Variants in TYW1B observed in about 807,000 individuals in gnomAD.
TYW1B encodes the protein tRNA-yW synthesizing protein 1 homolog B.
In TYW1B, 73 loss-of-function variants were observed where a neutral mutation model predicts 86.9. The ratio of observed to expected loss-of-function variants is 0.84; its 90% CI spans 0.70 to 1.02. TYW1B has a LOEUF of 1.02. Ranked by LOEUF, TYW1B falls within the 50% of genes least tolerant of loss-of-function variation. The probability of loss-of-function intolerance (pLI) is 0.00; values close to 1 mark genes in which losing one functional copy is unlikely to be tolerated. For synonymous variants in TYW1B, 248 were observed against 292.8 expected (o/e 0.85, Z 1.56); for missense variants, 637 against 827.4 (o/e 0.77, Z 2.82).
At chr7:72,783,843 T>C (rs1225769855) in intron 6 of TYW1B, among the ~76,000 whole-genome samples, 3 of 152,200 alleles carry the variant, frequency 2.0e-5, no homozygotes, top group Non-Finnish European at 2.9e-5. Flanking sequence ...GGGCAGCGTA[T>C]TGGGGTTGAA....
chr7:72,814,532 C>T (rs1466280923), intron 3 of TYW1B, among the ~76,000 whole-genome samples: 5 of 151,544 alleles, frequency 3.3e-5, no homozygotes, highest in South Asian at 2.1e-4. Flanking sequence ...TGCAGTGAGC[C>T]GAGATCGCGC....
At chr7:72,724,443 A>G (rs1786962223) in intron 9 of TYW1B, among the ~76,000 whole-genome samples, 1 of 152,244 alleles carries the variant, frequency 6.6e-6, no homozygotes, top group African/African-American at 2.4e-5. Flanking sequence ...ACTGCACTCC[A>G]GCCTGGGCAA....
chr7:72,585,429 C>T (rs1333141501), intron 13 of TYW1B, among the ~76,000 whole-genome samples: 3 of 152,218 alleles, frequency 2.0e-5, no homozygotes, highest in Non-Finnish European at 4.4e-5. Context: ...CCACGTAACA[C>T]TATACCATTC....
At chr7:72,759,725 T>C (rs1787655902) in intron 7 of TYW1B, among the ~76,000 whole-genome samples, 1 of 152,236 alleles carries the variant, frequency 6.6e-6, no homozygotes, top group Admixed American at 6.5e-5. Flanking sequence ...CCAGCCAAGA[T>C]ATTCTTAAAA....
intron 11 of TYW1B, among the ~76,000 whole-genome samples, chr7:72,629,253 G>A (rs1428693598): frequency 4.6e-5 from 7 of 152,154 alleles, no homozygotes; most frequent in African/African-American, 1.7e-4. Context: ...ATTATGCCAG[G>A]CACCCAGAGG....
At chr7:72,651,608 C>T (rs1813059290) in intron 11 of TYW1B, among the ~76,000 whole-genome samples, 1 of 152,060 alleles carries the variant, frequency 6.6e-6, no homozygotes, top group Admixed American at 6.6e-5. Context: ...GAGTGAGACT[C>T]CAACTCAAAA....
intron 12 of TYW1B, among the ~76,000 whole-genome samples, chr7:72,618,136 TCACAGACACACA>T (rs1224812541): frequency 4.7e-5 from 7 of 149,744 alleles, no homozygotes; most frequent in African/African-American, 1.7e-4. Context: ...ACACATTCAC[TCACAGACACACA>T]CACAAACACA....
At chr7:72,652,367 G>A (rs1189724086) in intron 11 of TYW1B, among the ~76,000 whole-genome samples, 1 of 92,724 alleles carries the variant, frequency 1.1e-5, no homozygotes, top group Non-Finnish European at 1.9e-5. Context: ...GACAGAGCAA[G>A]ACTCTGTCTG....
At chr7:72,751,305 T>C (rs1454038427) in intron 7 of TYW1B, among the ~76,000 whole-genome samples, 1 of 152,178 alleles carries the variant, frequency 6.6e-6, no homozygotes, top group Non-Finnish European at 1.5e-5. Context: ...CCTAAAGTGC[T>C]AGGACTACAT....
rs140458934 is a variant in TYW1B, at chr7:72,586,199, C to T, written c.1786-10480G>A. On this transcript the variant is annotated intron_variant, in intron 13 of 13. Transcript: ENST00000620995. ...TGCTTGGAGCTTCCAGTTGTCCTAT[C>T]GCAGAGGGGTTATAGACAGAGCTAA... Among the ~76,000 whole-genome samples, 30 of 152,258 alleles carry T rather than the reference C, an allele frequency of 2.0e-4. No homozygotes were observed. In the East Asian group the frequency reaches 3.9e-3, roughly 20 times the overall value.
chr7:72,746,412 TCA>T (rs782239196), intron 7 of TYW1B, among the ~76,000 whole-genome samples: 2 of 152,182 alleles, frequency 1.3e-5, no homozygotes, highest in African/African-American at 2.4e-5. Flanking sequence ...CAAATGCTAG[TCA>T]CAGAGTAATT....
intron 11 of TYW1B, among the ~76,000 whole-genome samples, chr7:72,662,460 T>C (rs1813356045): frequency 1.3e-5 from 2 of 152,048 alleles, no homozygotes; most frequent in Non-Finnish European, 2.9e-5. Context: ...GATAGATAGA[T>C]AGATAGATAG....
chr7:72,633,303 C>T (rs1379363523), intron 11 of TYW1B, among the ~76,000 whole-genome samples: 3 of 152,152 alleles, frequency 2.0e-5, no homozygotes, highest in East Asian at 1.9e-4. Context: ...GGAGCTGTAC[C>T]CTTCAATAAA....
chr7:72,724,551 A>G lies in TYW1B; in HGVS notation c.1192+4271T>C, dbSNP rs189656113. 7.2e-3 allele frequency among the ~76,000 whole-genome samples: 1,100 copies of G among 152,274 alleles called. 19 individuals are homozygous for G. Among genetic ancestry groups the G allele is most frequent in the African/African-American group, 0.026 (1,072 of 41,560 alleles). On this transcript the variant is annotated intron_variant, in intron 9 of 13. Transcript: ENST00000620995. ...TATGCCTACGTGCTGACCCGTCTAC[A>G]CCCTCCACACCTTCAAACATGCACC...
At chr7:72,753,977 C>T (rs941841667) in intron 7 of TYW1B, among the ~76,000 whole-genome samples, 4 of 152,052 alleles carry the variant, frequency 2.6e-5, no homozygotes, top group Non-Finnish European at 4.4e-5. Context: ...TGGTCTGGAA[C>T]GAAACCTGAA....
chr7:72,711,948 A>C (rs1212889324), intron 10 of TYW1B, among the ~76,000 whole-genome samples: 1 of 152,096 alleles, frequency 6.6e-6, no homozygotes, highest in South Asian at 2.1e-4. Context: ...AAATAAGCAG[A>C]GGTCTTGACC....
intron 7 of TYW1B, among the ~76,000 whole-genome samples, chr7:72,772,530 G>A (rs1563089105): frequency 6.6e-6 from 1 of 152,036 alleles, no homozygotes; most frequent in Non-Finnish European, 1.5e-5. Flanking sequence ...CATCTTAAAC[G>A]TGAATTCTCA....
At chr7:72,710,130 C>G (rs1189171633) in intron 10 of TYW1B, among the ~76,000 whole-genome samples, 1 of 152,186 alleles carries the variant, frequency 6.6e-6, no homozygotes, top group Non-Finnish European at 1.5e-5. Flanking sequence ...CATTCCCAGA[C>G]AATTCCATTC....
chr7:72,803,141 G>A (rs1351962117), intron 5 of TYW1B, among the ~76,000 whole-genome samples: 17 of 152,078 alleles, frequency 1.1e-4, no homozygotes, highest in African/African-American at 4.1e-4. Context: ...GGAGGCTGAC[G>A]CAGGAGTGTC....
Sources: gnomAD v4.1 joint callset for allele counts (sites outside exome capture counted in the v4.1 genomes callset) on GRCh38, gnomAD v4.1.1 for gene constraint, MANE v1.5 for transcripts, NCBI Gene and HGNC (gene_info 2026-07-23, HGNC 2026-07-21) for gene names.